CHRDL1: variants seen among roughly 807,000 people sequenced by gnomAD.
The protein encoded by CHRDL1 is chordin like 1.
Under a neutral mutation model 40.9 loss-of-function variants are expected in CHRDL1, and 19 were observed. The ratio of observed to expected loss-of-function variants is 0.46; its 90% confidence interval spans 0.32 to 0.68. The LOEUF is 0.68. CHRDL1 is among the 30% of genes least tolerant of loss of function. The pLI is 0.03. For missense variants in CHRDL1, 329 were observed against 352.1 expected, an observed-to-expected ratio of 0.93 and a Z score of 0.53; for synonymous variants, 136 against 123.4, an observed-to-expected ratio of 1.10 and a Z score of -0.68.
At chrX:110,683,882 G>A (rs963525687) in intron 9 of CHRDL1, among the ~76,000 whole-genome samples, 2 of 111,920 alleles carry the variant, frequency 1.8e-5, no homozygotes, top group African/African-American at 6.5e-5. Context: ...AGTGGTTGCA[G>A]TTTTCCTGCC....
intron 4 of CHRDL1, among the ~76,000 whole-genome samples, chrX:110,744,957 T>G (rs73528236): frequency 0.025 from 2,580 of 101,926 alleles, 80 homozygotes; most frequent in African/African-American, 0.094. Context: ...TCCCTCTCTC[T>G]CATTCACACA....
chrX:110,679,982 T>C (rs1024448239), intron 10 of CHRDL1, among the ~76,000 whole-genome samples: 1 of 112,090 alleles, frequency 8.9e-6, no homozygotes, highest in Non-Finnish European at 1.9e-5. Flanking sequence ...AGAGTTAAAA[T>C]AGAGTGCTCT....
intron 4 of CHRDL1, among the ~76,000 whole-genome samples, chrX:110,742,831 GA>G (rs997410862): frequency 2.3e-4 from 26 of 110,906 alleles, no homozygotes; most frequent in Non-Finnish European, 3.2e-4. Context: ...AGAGGCAGCT[GA>G]AAAAAAATAT....
intron 3 of CHRDL1, among the ~76,000 whole-genome samples, chrX:110,760,632 C>T (rs187106560): frequency 8.1e-5 from 9 of 111,632 alleles, no homozygotes; most frequent in African/African-American, 2.9e-4. Context: ...TCCAACGTGT[C>T]GAAATGTGTC....
At chrX:110,778,726 T>C (rs1259622713) in intron 2 of CHRDL1, among the ~76,000 whole-genome samples, 1 of 111,968 alleles carries the variant, frequency 8.9e-6, no homozygotes, top group Non-Finnish European at 1.9e-5. Context: ...GAACTTCCAT[T>C]TGACCAAACA....
At chrX:110,707,246 C>T (rs1440735317) in intron 6 of CHRDL1, among the ~76,000 whole-genome samples, 1 of 111,815 alleles carries the variant, frequency 8.9e-6, no homozygotes, top group East Asian at 2.8e-4. Context: ...TACAACAATA[C>T]AAGAAATCTG....
At chrX:110,709,025 C>T (rs1430392508) in intron 6 of CHRDL1, among the ~76,000 whole-genome samples, 1 of 111,989 alleles carries the variant, frequency 8.9e-6, no homozygotes, top group Non-Finnish European at 1.9e-5. Context: ...TGGAGCCAAA[C>T]AGTTTGGATT....
rs1375900197 is a variant in CHRDL1 at position 110,695,316 on chromosome X, A to AT, written c.610-986dup. On this transcript the variant is annotated intron_variant, in intron 7 of 11. Coordinates refer to ENST00000372042, the MANE Select transcript of CHRDL1 (RefSeq NM_001143981.2). ...TCACTGCTATATCTCCAGTGCCTAG[A>AT]TTTTAGTGTCAGGCATCTAGAAGGT... 2.7e-5 allele frequency among the ~76,000 whole-genome samples: 3 copies of AT among 111,832 alleles called. No individual in the cohort carries two copies. In the East Asian group the frequency reaches 8.4e-4, roughly 31 times the overall value.
intron 4 of CHRDL1, 113 bp from the exon 5 acceptor site, chrX:110,721,643 C>T (rs1044905097): frequency 1.8e-6 from 1 of 569,909 alleles, no homozygotes; most frequent in Admixed American, 2.7e-5. Context: ...AAGACAGTCC[C>T]CGCTCCAGTG....
chrX:110,766,042 G>C (rs1304775942), intron 2 of CHRDL1, among the ~76,000 whole-genome samples: 1 of 111,247 alleles, frequency 9.0e-6, no homozygotes, highest in Non-Finnish European at 1.9e-5. Context: ...ACTCCAAAAG[G>C]AACCTTCAAA....
chrX:110,683,127 C>G (rs1449313943), intron 9 of CHRDL1, among the ~76,000 whole-genome samples: 1 of 112,384 alleles, frequency 8.9e-6, no homozygotes, highest in Non-Finnish European at 1.9e-5. Context: ...GCTAAAAGTT[C>G]TTCCAGTAGC....
At chrX:110,722,163 A>ATT in intron 4 of CHRDL1, among the ~76,000 whole-genome samples, 1 of 101,443 alleles carries the variant, frequency 9.9e-6, no homozygotes. Context: ...ACGCCTGGCT[A>ATT]TTTTTTTTTT....
chrX:110,746,728 G>A (rs754720259), intron 4 of CHRDL1, among the ~76,000 whole-genome samples: 1 of 111,346 alleles, frequency 9.0e-6, no homozygotes, highest in African/African-American at 3.3e-5. Flanking sequence ...AGAGGAACAC[G>A]TACCAAAATG....
chrX:110,758,082 C>T (rs2089485663), intron 4 of CHRDL1, among the ~76,000 whole-genome samples: 2 of 105,515 alleles, frequency 1.9e-5, no homozygotes, highest in South Asian at 8.6e-4. Context: ...GACAGGCTAC[C>T]TGGCAGGTTA....
intron 2 of CHRDL1, among the ~76,000 whole-genome samples, chrX:110,775,405 G>A (rs1246286755): frequency 6.3e-5 from 7 of 111,491 alleles, no homozygotes; most frequent in African/African-American, 2.0e-4. Flanking sequence ...CATCACAACT[G>A]AGGAATTTGA....
intron 2 of CHRDL1, among the ~76,000 whole-genome samples, chrX:110,788,404 G>A (rs948195301): frequency 5.4e-5 from 6 of 111,386 alleles, no homozygotes; most frequent in African/African-American, 9.8e-5. Flanking sequence ...GGCATCCCCC[G>A]TCATTCCCCT....
intron 2 of CHRDL1, among the ~76,000 whole-genome samples, chrX:110,770,700 T>C (rs1158693803): frequency 1.8e-5 from 2 of 111,518 alleles, no homozygotes; most frequent in Non-Finnish European, 3.8e-5. Context: ...TTGCATTGAC[T>C]ACAGACATTA....
intron 4 of CHRDL1, among the ~76,000 whole-genome samples, chrX:110,724,205 A>G (rs762080476): frequency 8.9e-6 from 1 of 112,556 alleles, no homozygotes; most frequent in Non-Finnish European, 1.9e-5. Context: ...ACAACAACAA[A>G]AAAGAAGTTT....
chrX:110,788,610 C>T (rs1165342469), intron 2 of CHRDL1, among the ~76,000 whole-genome samples: 1 of 111,969 alleles, frequency 8.9e-6, no homozygotes, highest in Non-Finnish European at 1.9e-5. Context: ...AGTTGCTTTC[C>T]TTTTTAATTT....
Sources: allele counts gnomAD v4.1 joint callset (sites outside exome capture counted in the v4.1 genomes callset), GRCh38; gene constraint gnomAD v4.1.1; transcripts MANE v1.5; gene names NCBI Gene and HGNC (gene_info 2026-07-23, HGNC 2026-07-21).